Variants in PDE10A observed in about 807,000 individuals in gnomAD.
The protein encoded by PDE10A is cAMP and cAMP-inhibited cGMP 3',5'-cyclic phosphodiesterase 10A.
PDE10A carries 39 observed loss-of-function variants against 97.7 expected under a neutral mutation model. The ratio of observed to expected loss-of-function variants is 0.40; its 90% CI spans 0.31 to 0.52. The LOEUF (loss-of-function observed/expected upper bound fraction) is 0.52. Ranked by LOEUF, PDE10A falls within the 20% of genes least tolerant of loss-of-function variation. The pLI, the probability that PDE10A is intolerant of heterozygous loss-of-function variation, is 0.56. For missense variants in PDE10A, 731 were observed against 1,047.8 expected, an observed-to-expected ratio of 0.70 and a Z score of 4.17; for synonymous variants, 371 against 376.8, an observed-to-expected ratio of 0.98 and a Z score of 0.18.
intron 6 of PDE10A, among the ~76,000 whole-genome samples, chr6:165,433,877 C>A (rs1369746402): frequency 6.6e-6 from 1 of 151,566 alleles, no homozygotes; most frequent in Non-Finnish European, 1.5e-5. Context: ...ATTAGCCGGG[C>A]GCGGTGGCAG....
chr6:165,602,524 T>G (rs1787011629), intron 1 of PDE10A, among the ~76,000 whole-genome samples: 1 of 152,160 alleles, frequency 6.6e-6, no homozygotes, highest in African/African-American at 2.4e-5. Context: ...ACCATGAAGC[T>G]ATATACCATG....
intron 1 of PDE10A, among the ~76,000 whole-genome samples, chr6:165,971,301 A>G (rs1784666788): frequency 2.0e-5 from 3 of 152,222 alleles, no homozygotes; most frequent in Admixed American, 6.5e-5. Flanking sequence ...GAGCACCTCA[A>G]GCTGGAAGTT....
chr6:165,822,065 T>A (rs955973033), intron 1 of PDE10A, among the ~76,000 whole-genome samples: 1 of 152,248 alleles, frequency 6.6e-6, no homozygotes, highest in African/African-American at 2.4e-5. Context: ...CGGCAAACAC[T>A]TTTCCTGTTA....
intron 1 of PDE10A, among the ~76,000 whole-genome samples, chr6:165,799,050 A>G (rs1174247943): frequency 6.6e-6 from 1 of 152,218 alleles, no homozygotes; most frequent in Admixed American, 6.5e-5. Context: ...TGAAGATGCG[A>G]TTATTAATGA....
At chr6:165,678,734 T>C (rs1020433081) in intron 1 of PDE10A, among the ~76,000 whole-genome samples, 3 of 152,224 alleles carry the variant, frequency 2.0e-5, no homozygotes, top group African/African-American at 7.2e-5. Flanking sequence ...CTCTTTGTAC[T>C]AACAAGTTTT....
chr6:165,752,572 C>G (rs1793030845), intron 1 of PDE10A, among the ~76,000 whole-genome samples: 1 of 152,326 alleles, frequency 6.6e-6, no homozygotes, highest in East Asian at 1.9e-4. Context: ...CTTCTACAAT[C>G]ATTTACTTCA....
At chr6:165,976,554 A>G (rs1247122368) in intron 1 of PDE10A, among the ~76,000 whole-genome samples, 1 of 152,208 alleles carries the variant, frequency 6.6e-6, no homozygotes, top group Non-Finnish European at 1.5e-5. Context: ...AAGGTTTCAA[A>G]GAATATTCTA....
chr6:165,839,896 T>TCCTATCTCCAATTCA (rs1562762551), intron 1 of PDE10A, among the ~76,000 whole-genome samples: 131 of 151,444 alleles, frequency 8.7e-4, no homozygotes, highest in Non-Finnish European at 1.4e-3. Flanking sequence ...TCCATCCCCA[T>TCCTATCTCCAATTCA]TCCCATCTCC....
intron 14 of PDE10A, 120 bp downstream of exon 14, chr6:165,396,197 T>A (rs1052781454): frequency 3.2e-5 from 28 of 883,056 alleles, no homozygotes; most frequent in Non-Finnish European, 4.4e-5. Flanking sequence ...TGGCAACACA[T>A]GAAACTCCAC....
chr6:165,629,500 G>C (rs891563931), intron 1 of PDE10A, among the ~76,000 whole-genome samples: 1 of 149,466 alleles, frequency 6.7e-6, no homozygotes, highest in African/African-American at 2.5e-5. Flanking sequence ...TCCAAGTAGA[G>C]AATGAAGGAA....
chr6:165,619,414 G>A (rs200223895), intron 1 of PDE10A, among the ~76,000 whole-genome samples: 1 of 41,272 alleles, frequency 2.4e-5, no homozygotes, highest in African/African-American at 1.3e-4. Flanking sequence ...GTAGTCTAGT[G>A]TAGTGTAGTG....
intron 12 of PDE10A, among the ~76,000 whole-genome samples, chr6:165,414,908 C>T (rs939541524): frequency 1.3e-5 from 2 of 152,198 alleles, no homozygotes; most frequent in Non-Finnish European, 2.9e-5. Flanking sequence ...TCAACTACAT[C>T]TATATTCCCC....
chr6:165,425,568 C>CA (rs1183606835), intron 10 of PDE10A, among the ~76,000 whole-genome samples: 1 of 152,002 alleles, frequency 6.6e-6, no homozygotes, highest in Non-Finnish European at 1.5e-5. Context: ...GAAAAACCCA[C>CA]AAAAAAATCA....
rs145374897 is a variant in PDE10A at position 165,589,701 on chromosome 6, A to G, written c.866-46133T>C. On this transcript the variant is annotated intron_variant, in intron 1 of 21. Transcript: ENST00000539869. ...TCCTGGAGGAAGGGAAGAAAGACAA[A>G]TGGATGTATGAGAAAAATTATAAAT... Among the ~76,000 whole-genome samples, 623 of 152,240 alleles carry G rather than the reference A, an allele frequency of 4.1e-3. 1 individual carries two copies. Among genetic ancestry groups the G allele is most frequent in the African/African-American group, 0.014 (601 of 41,540 alleles).
At chr6:165,952,858 GA>G (rs34273396) in intron 1 of PDE10A, among the ~76,000 whole-genome samples, 118,682 of 148,664 alleles carry the variant, frequency 0.8, 47,968 homozygotes, top group East Asian at 0.93. Flanking sequence ...TTTTATAAGA[GA>G]AAAAAAAAAA....
At chr6:165,656,056 G>A (rs1391995159) in intron 1 of PDE10A, among the ~76,000 whole-genome samples, 1 of 151,914 alleles carries the variant, frequency 6.6e-6, no homozygotes, top group Non-Finnish European at 1.5e-5. Context: ...CAGCTCTCTT[G>A]GTATTTTTTG....
chr6:165,500,978 G>A (rs1485316291), intron 2 of PDE10A, among the ~76,000 whole-genome samples: 1 of 151,964 alleles, frequency 6.6e-6, no homozygotes, highest in Non-Finnish European at 1.5e-5. Context: ...AGAGACCTTT[G>A]TTCACATGTC....
chr6:165,654,800 T>C (rs1282906551), intron 1 of PDE10A, among the ~76,000 whole-genome samples: 1 of 152,178 alleles, frequency 6.6e-6, no homozygotes, highest in Non-Finnish European at 1.5e-5. Flanking sequence ...ACCTCCTGGC[T>C]GCTGGAACTC....
At chr6:165,883,457 G>A (rs1178079595) in intron 1 of PDE10A, among the ~76,000 whole-genome samples, 3 of 151,476 alleles carry the variant, frequency 2.0e-5, no homozygotes, top group South Asian at 2.1e-4. Flanking sequence ...GAGGAGACTC[G>A]CTTGAACCCA....
Sources: allele counts gnomAD v4.1 joint callset (sites outside exome capture counted in the v4.1 genomes callset), GRCh38; gene constraint gnomAD v4.1.1; transcripts MANE v1.5; gene names NCBI Gene and HGNC (gene_info 2026-07-23, HGNC 2026-07-21).